The following BANP variants were observed in gnomAD, a reference collection of about 807,000 sequenced individuals.
BANP encodes the protein BTG3 associated nuclear protein.
Under a neutral mutation model 68.1 loss-of-function variants are expected in BANP, and 11 were observed. The observed-to-expected ratio is 0.16, with a 90% CI of 0.10 to 0.27. The LOEUF is 0.27. BANP is among the 10% of genes least tolerant of loss of function. The pLI is 1.00. For synonymous variants in BANP, 329 were observed against 303.2 expected (o/e 1.09, Z -0.88); for missense variants, 504 against 722.7 (o/e 0.70, Z 3.47).
chr16:87,994,151 T>C (rs1006694431), intron 4 of BANP, among the ~76,000 whole-genome samples: 1 of 152,336 alleles, frequency 6.6e-6, no homozygotes, highest in South Asian at 2.1e-4. Context: ...CGAAGGGCCC[T>C]GGGCGGCTTT....
At chr16:87,980,105 G>A (rs1026698971) in intron 2 of BANP, among the ~76,000 whole-genome samples, 3 of 152,160 alleles carry the variant, frequency 2.0e-5, no homozygotes, top group Non-Finnish European at 2.9e-5. Flanking sequence ...AGTAGAGCAC[G>A]GTAGGAGTGC....
intron 11 of BANP, among the ~76,000 whole-genome samples, chr16:88,062,283 C>A (rs907971869): frequency 3.9e-5 from 6 of 152,240 alleles, no homozygotes; most frequent in East Asian, 1.9e-4. Context: ...ACTGAGAAGT[C>A]CTTGGGCTTC....
At chr16:88,051,791 A>G (rs73252303) in intron 11 of BANP, among the ~76,000 whole-genome samples, 3,033 of 152,336 alleles carry the variant, frequency 0.02, 100 homozygotes, top group African/African-American at 0.069. Flanking sequence ...ATAATTATGC[A>G]TCATTAAATA....
At chr16:88,035,059 G>T in intron 9 of BANP, 2 of 453,790 alleles carry the variant, frequency 4.4e-6, no homozygotes, top group Non-Finnish European at 8.1e-6. Flanking sequence ...TAGCATATAT[G>T]GGGTTCAGCA....
Position 88,071,677 on chromosome 16 carries a change from C to T in BANP, c.1378-392C>T, listed in dbSNP as rs1411025576. Reference sequence around the variant, plus strand: ...TCACGGTCCTGGCTTGGATTTTAGGCCTCAGTGGCACTCTGGGAGCGCTTG... The same window carrying T: ...TCACGGTCCTGGCTTGGATTTTAGGTCTCAGTGGCACTCTGGGAGCGCTTG... On this transcript the variant is annotated intron_variant, in intron 12 of 13. Coordinates refer to ENST00000682872, the MANE Select transcript of BANP (RefSeq NM_001386991.1). This position sits in a 1 kb window ranked among gnomAD's most constrained non-coding sequence, Gnocchi z 6.5. The T allele has an allele frequency of 6.2e-6, 3 of 480,500 alleles. No homozygotes were observed. The highest frequency in any genetic ancestry group is 3.1e-5 in the South Asian group (2 of 64,754). The allele number at this position is 480,500 out of a possible 1,614,324, so 29.8% of individuals were successfully genotyped here.
intron 11 of BANP, among the ~76,000 whole-genome samples, chr16:88,050,045 C>G (rs1238372961): frequency 6.6e-6 from 1 of 152,208 alleles, no homozygotes; most frequent in African/African-American, 2.4e-5. Flanking sequence ...GTGAGCTTCT[C>G]AGTCACGTTC....
chr16:87,989,212 G>C (rs552330145), intron 4 of BANP, among the ~76,000 whole-genome samples: 1 of 152,178 alleles, frequency 6.6e-6, no homozygotes, highest in South Asian at 2.1e-4. Context: ...ATCGACTTGG[G>C]GACAAGAAAA....
chr16:87,990,459 C>T (rs368174525), intron 4 of BANP, among the ~76,000 whole-genome samples: 1 of 152,158 alleles, frequency 6.6e-6, no homozygotes, highest in Non-Finnish European at 1.5e-5. Context: ...AGGCCTCGTT[C>T]TGAGCATCTC....
intron 4 of BANP, among the ~76,000 whole-genome samples, chr16:87,993,238 T>G (rs1487066776): frequency 2.6e-5 from 4 of 152,190 alleles, no homozygotes; most frequent in African/African-American, 9.7e-5. Context: ...CACAGTCAAG[T>G]GACTCTTTCA....
intron 11 of BANP, among the ~76,000 whole-genome samples, chr16:88,054,534 G>A (rs575534331): frequency 2.0e-5 from 3 of 151,790 alleles, no homozygotes; most frequent in East Asian, 3.9e-4. Context: ...CACCCTCTCC[G>A]TTGCCCTTAC....
In BANP at chr16:88,077,054, T is replaced by G. The variant is rs1054582490; in HGVS notation, c.*393T>G. On this transcript the variant is annotated 3_prime_UTR_variant, in exon 14 of 14. Transcript: ENST00000682872. ...GGAGTAGCAGGAGCCCTTTGCTGTG[T>G]GCTCTGTCCAGTGTCATGAGACGGG... The G allele has an allele frequency of 8.4e-6, 2 of 238,632 alleles. No individual in the cohort carries two copies. Among genetic ancestry groups the G allele is most frequent in the African/African-American group, 4.6e-5 (2 of 43,084 alleles). 14.8% of individuals were successfully genotyped at this position (238,632 alleles called of 1,614,324 possible).
At chr16:88,013,272 G>C (rs1373632232) in intron 6 of BANP, among the ~76,000 whole-genome samples, 2 of 152,252 alleles carry the variant, frequency 1.3e-5, no homozygotes, top group Non-Finnish European at 2.9e-5. Context: ...TTAGCTGCTG[G>C]GGTTACTGTG....
chr16:88,027,361 G>A (rs1210906629), intron 7 of BANP, 122 bp from the exon 8 acceptor site: 18 of 1,089,830 alleles, frequency 1.7e-5, no homozygotes, highest in Admixed American at 4.5e-5. Context: ...AGACGGGGCC[G>A]GCCTGGCGGG....
chr16:87,982,637 AAC>A (rs2063498355), intron 3 of BANP: 1 of 152,158 alleles, frequency 6.6e-6, no homozygotes, highest in Non-Finnish European at 1.5e-5. Context: ...ACGCGCCTTC[AAC>A]AGAGAGTAGT....
chr16:87,972,312 A>G (rs368018612), intron 1 of BANP, among the ~76,000 whole-genome samples: 55 of 128,500 alleles, frequency 4.3e-4, no homozygotes, highest in African/African-American at 1.4e-3. Context: ...TGTTTCTAAT[A>G]TATTCTGAGT....
At chr16:87,963,868 C>T (rs1224094664) in intron 1 of BANP, among the ~76,000 whole-genome samples, 1 of 152,204 alleles carries the variant, frequency 6.6e-6, no homozygotes, top group Admixed American at 6.5e-5. Flanking sequence ...GTTTTCTGCC[C>T]AGTTACAGTG....
chr16:87,956,556 C>A (rs915052599), intron 1 of BANP: 47 of 152,250 alleles, frequency 3.1e-4, no homozygotes, highest in African/African-American at 1.1e-3. Context: ...AAAAGCTACA[C>A]TTGTTTTGTT....
chr16:88,024,613 G>A (rs1469254819), intron 7 of BANP, among the ~76,000 whole-genome samples: 2 of 152,216 alleles, frequency 1.3e-5, no homozygotes, highest in East Asian at 1.9e-4. Flanking sequence ...ATCTGCGGGC[G>A]GCGCCTGCAC....
intron 11 of BANP, among the ~76,000 whole-genome samples, chr16:88,038,383 G>T (rs1335890699): frequency 1.3e-5 from 2 of 152,190 alleles, no homozygotes; most frequent in South Asian, 2.1e-4. Flanking sequence ...AGGCCTGGAA[G>T]GGGGGAGGGC....
Sources: allele counts gnomAD v4.1 joint callset (sites outside exome capture counted in the v4.1 genomes callset), GRCh38; gene constraint gnomAD v4.1.1; non-coding constraint Gnocchi (gnomAD v3.1); transcripts MANE v1.5; gene names NCBI Gene and HGNC (gene_info 2026-07-23, HGNC 2026-07-21).